Variants in TUBA4B observed in about 807,000 individuals in gnomAD.
The protein encoded by TUBA4B is tubulin alpha 4b.
Under a neutral mutation model 18.4 loss-of-function variants are expected in TUBA4B, and 13 were observed. That is an observed-to-expected ratio of 0.71 (90% CI 0.46 to 1.12). The LOEUF is 1.12. Among genes scored for constraint, TUBA4B ranks in the 50% most tolerant of loss-of-function variants. The pLI, the probability that TUBA4B is intolerant of heterozygous loss-of-function variation, is 0.00. For missense variants in TUBA4B, 244 were observed against 250.0 expected (o/e 0.98, Z 0.16); for synonymous variants, 101 against 99.1 (o/e 1.02, Z -0.11).
intron 1 of TUBA4B, among the ~76,000 whole-genome samples, chr2:219,265,688 C>T (rs1008138539): frequency 6.6e-6 from 1 of 152,138 alleles, no homozygotes; most frequent in African/African-American, 2.4e-5. Flanking sequence ...TAGAGACTAG[C>T]CTTTTTATTT....
At chr2:219,253,659 C>T (rs1454922119) in intron 1 of TUBA4B, among the ~76,000 whole-genome samples, 1 of 152,200 alleles carries the variant, frequency 6.6e-6, no homozygotes, top group Admixed American at 6.5e-5. Flanking sequence ...CAAGCCCCAA[C>T]CCCAGCCACC....
chr2:219,253,462 G>A (rs1033582042), intron 1 of TUBA4B, 43 bp downstream of exon 1: 3 of 1,415,316 alleles, frequency 2.1e-6, no homozygotes, highest in Admixed American at 2.0e-5. Context: ...GCACGTGCTC[G>A]GTCAGTGCTG....
At chr2:219,260,437 G>A (rs1342156818) in intron 1 of TUBA4B, among the ~76,000 whole-genome samples, 1 of 152,126 alleles carries the variant, frequency 6.6e-6, no homozygotes, top group African/African-American at 2.4e-5. Flanking sequence ...AAAAAGAAAT[G>A]AATGTCATAT....
intron 1 of TUBA4B, among the ~76,000 whole-genome samples, chr2:219,254,973 C>A (rs1462217264): frequency 6.6e-6 from 1 of 152,178 alleles, no homozygotes; most frequent in Non-Finnish European, 1.5e-5. Context: ...CCCTGGTCTC[C>A]GCAGAAGCCC....
In TUBA4B at chr2:219,271,508, G is replaced by A; in HGVS notation, c.535G>A (p.Ala179Thr). 1 of 1,614,196 alleles carries A rather than the reference G, an allele frequency of 6.2e-7. No individual in the cohort carries two copies. Among genetic ancestry groups the A allele is most frequent in the Middle Eastern group, 1.6e-4 (1 of 6,062 alleles). The change falls in exon 4 of 4, where the codon GCT becomes ACT. Residue 179 changes from alanine to threonine, a missense_variant. Physicochemically the swap from Ala to Thr is moderately conservative, Grantham distance 58. Transcript: ENST00000490341. ...TAGCCAAATTGTCTCCTCCATCACA[G>A]CTTCTCTGCGCTTTGACGGGGCCCT... is the stretch of plus-strand genomic sequence containing the variant. ...LISQIVSSIT[A>T]SLRFDGALNV... is the part of the protein sequence containing the mutation.
Position 219,253,414 on chromosome 2 carries a change from CACCAGGTA to C in TUBA4B, c.11_12+6del. ...ATACACAGAGGAAAGGGGGATGCGG[CACCAGGTA>C]ACCTGACCCCTTCCACCTTCTAGCG... On this transcript the variant is annotated splice_donor_variant and splice_donor_region_variant and coding_sequence_variant and intron_variant, in exon 1 of 4. Coordinates refer to ENST00000490341, the MANE Select transcript of TUBA4B (RefSeq NM_001355221.1). LOFTEE classifies it high-confidence loss of function. 6.5e-7 allele frequency: 1 copy of C among 1,526,736 alleles called. No homozygotes were observed. Among genetic ancestry groups the C allele is most frequent in the Non-Finnish European group, 8.8e-7 (1 of 1,138,438 alleles). 94.6% of individuals were successfully genotyped at this position (1,526,736 alleles called of 1,614,324 possible). A position where few individuals can be genotyped will look rare whatever the true frequency, so the allele number is the denominator to read the frequency against.
intron 1 of TUBA4B, among the ~76,000 whole-genome samples, chr2:219,262,995 A>G (rs905431834): frequency 3.3e-5 from 5 of 151,278 alleles, no homozygotes; most frequent in African/African-American, 7.3e-5. Context: ...GAGCCGAGAT[A>G]GCACCACTGC....
At chr2:219,255,308 G>A (rs1233259738) in intron 1 of TUBA4B, among the ~76,000 whole-genome samples, 2 of 152,126 alleles carry the variant, frequency 1.3e-5, no homozygotes, top group South Asian at 2.1e-4. Flanking sequence ...GCACGATTTC[G>A]GCTCACCTCA....
At chr2:219,263,233 C>G (rs1453128078) in intron 1 of TUBA4B, among the ~76,000 whole-genome samples, 1 of 151,774 alleles carries the variant, frequency 6.6e-6, no homozygotes, top group Non-Finnish European at 1.5e-5. Flanking sequence ...TGCCTCACAC[C>G]TATAATCCCA....
At position 219,266,541 on chromosome 2, in the gene TUBA4B, C is replaced by T; in HGVS notation, c.33C>T (p.Pro11=). The T allele has an allele frequency of 1.4e-6, 1 of 703,050 alleles. No homozygotes were observed. Among genetic ancestry groups the T allele is most frequent in the Non-Finnish European group, 2.6e-6 (1 of 384,992 alleles). 43.6% of individuals were successfully genotyped at this position (703,050 alleles called of 1,614,324 possible). MRHQQTERQD[P]SQPLSRQHGT... The stretch of plus-strand genomic sequence containing the variant: ...TGCAGCAGACAGAGAGACAAGACCC[C>T]AGCCAGCCCCTGTCCAGGCAGCATG... The change falls in exon 2 of 4, where the codon CCC becomes CCT. Residue 11 remains proline, a synonymous_variant. Transcript: ENST00000490341.
intron 1 of TUBA4B, among the ~76,000 whole-genome samples, chr2:219,263,373 G>A (rs936919503): frequency 3.3e-5 from 5 of 151,756 alleles, no homozygotes; most frequent in Non-Finnish European, 5.9e-5. Flanking sequence ...CATGCCTGTA[G>A]TCCTAGGTAC....
intron 2 of TUBA4B, among the ~76,000 whole-genome samples, chr2:219,269,068 T>C (rs1318608415): frequency 6.6e-6 from 1 of 152,180 alleles, no homozygotes; most frequent in East Asian, 1.9e-4. Flanking sequence ...CACTGTACTC[T>C]AGCCTGGGTG....
In TUBA4B at chr2:219,266,581, C is replaced by G. The variant is rs913923558; in HGVS notation, c.58+15C>G. 2 of 702,766 alleles carry G rather than the reference C, an allele frequency of 2.8e-6. No homozygotes were observed. The highest frequency in any genetic ancestry group is 4.0e-5 in the Admixed American group (2 of 49,958). The allele number at this position is 702,766 out of a possible 1,614,324, so 43.5% of individuals were successfully genotyped here. A position where few individuals can be genotyped will look rare whatever the true frequency, so the allele number is the denominator to read the frequency against. ...CAGGCAGCATGGTGAGTAGAAGGGGCCTTGGGGGGACTGAGCATGCAAGTG... is the reference window on the plus strand; with the variant it reads ...CAGGCAGCATGGTGAGTAGAAGGGGGCTTGGGGGGACTGAGCATGCAAGTG... On this transcript the variant is annotated intron_variant, in intron 2 of 3. Coordinates refer to ENST00000490341, the MANE Select transcript of TUBA4B (RefSeq NM_001355221.1).
At chr2:219,264,086 G>T (rs1460597079) in intron 1 of TUBA4B, among the ~76,000 whole-genome samples, 2 of 152,176 alleles carry the variant, frequency 1.3e-5, no homozygotes, top group East Asian at 3.8e-4. Flanking sequence ...GGATAGTACT[G>T]AACCTTATGT....
At chr2:219,269,576 CATG>C (rs1299263928) in intron 2 of TUBA4B, among the ~76,000 whole-genome samples, 2 of 152,180 alleles carry the variant, frequency 1.3e-5, no homozygotes, top group African/African-American at 4.8e-5. Flanking sequence ...CATGTCCAGG[CATG>C]ATATGTTTCC....
At chr2:219,262,525 G>C (rs1390173789) in intron 1 of TUBA4B, among the ~76,000 whole-genome samples, 1 of 151,892 alleles carries the variant, frequency 6.6e-6, no homozygotes, top group Non-Finnish European at 1.5e-5. Context: ...ATTTCTTTTT[G>C]AGACAGGGTC....
At chr2:219,258,888 G>A (rs982018648) in intron 1 of TUBA4B, among the ~76,000 whole-genome samples, 2 of 151,936 alleles carry the variant, frequency 1.3e-5, no homozygotes, top group Non-Finnish European at 2.9e-5. Context: ...ATCAGCCCAC[G>A]TTACACATTT....
At chr2:219,263,709 A>G (rs969746998) in intron 1 of TUBA4B, among the ~76,000 whole-genome samples, 2 of 152,092 alleles carry the variant, frequency 1.3e-5, no homozygotes, top group African/African-American at 2.4e-5. Flanking sequence ...CTTATCTTTG[A>G]TATGTTAAGT....
Position 219,271,216 on chromosome 2 carries a change from T to C in TUBA4B, c.243T>C (p.Gly81=), listed in dbSNP as rs572705273. Residue 81 remains glycine, a synonymous_variant, in exon 4 of 4, where the codon GGT becomes GGC. Transcript: ENST00000490341. ...GCTTCCTGGTGTTCCACAGCCTTGG[T>C]CGGGGCACTGGCTCTGACGTCACCT... ...LQGFLVFHSL[G]RGTGSDVTSF... 392 of 1,155,746 alleles carry C rather than the reference T, an allele frequency of 3.4e-4. No homozygotes were observed. The African/African-American group carries it at 5.2e-3, about 15-fold the overall frequency. 71.6% of individuals were successfully genotyped at this position (1,155,746 alleles called of 1,614,324 possible).
Sources: allele counts gnomAD v4.1 joint callset (sites outside exome capture counted in the v4.1 genomes callset), GRCh38; gene constraint gnomAD v4.1.1; transcripts MANE v1.5; gene names NCBI Gene and HGNC (gene_info 2026-07-23, HGNC 2026-07-21).